LRP2: variants seen among roughly 807,000 people sequenced by gnomAD.
The protein encoded by LRP2 is LDL receptor related protein 2.
LRP2 carries 172 observed loss-of-function variants against 531.0 expected under a neutral mutation model. That is an observed-to-expected ratio of 0.32 (90% CI 0.29 to 0.37). The LOEUF is 0.37. LRP2 is among the 10% of genes least tolerant of loss of function. The pLI is 1.00. For missense variants in LRP2, 5,167 were observed against 5,868.3 expected (o/e 0.88, Z 3.90); for synonymous variants, 1,992 against 2,027.6 (o/e 0.98, Z 0.47).
chr2:169,274,777 G>A (rs1190978572), intron 14 of LRP2, among the ~76,000 whole-genome samples: 1 of 152,074 alleles, frequency 6.6e-6, no homozygotes, highest in Non-Finnish European at 1.5e-5. Context: ...ATCTTTGCAG[G>A]TGCTAATAAA....
intron 36 of LRP2, 101 bp downstream of exon 36, chr2:169,213,556 G>A: frequency 1.1e-6 from 1 of 940,000 alleles, no homozygotes; most frequent in South Asian, 1.3e-5. Context: ...GTATGCACGT[G>A]TATGTACGTG....
At chr2:169,257,094 T>G (rs949282936) in intron 18 of LRP2, 30 bp downstream of exon 18, 3 of 1,611,266 alleles carry the variant, frequency 1.9e-6, no homozygotes, top group Non-Finnish European at 1.7e-6. Flanking sequence ...AAAAGAGAAC[T>G]AAGTATCGGG....
chr2:169,335,523 T>C (rs1474043720), intron 1 of LRP2, among the ~76,000 whole-genome samples: 1 of 152,200 alleles, frequency 6.6e-6, no homozygotes, highest in Non-Finnish European at 1.5e-5. Flanking sequence ...AGTTTTCCAT[T>C]CAAAAAGTTT....
intron 1 of LRP2, among the ~76,000 whole-genome samples, chr2:169,345,212 TTC>T (rs1294262973): frequency 6.6e-6 from 1 of 152,172 alleles, no homozygotes; most frequent in Non-Finnish European, 1.5e-5. Context: ...CAAGAGAGAT[TTC>T]TTGAGTGTGT....
chr2:169,315,013 C>G (rs13409736), intron 3 of LRP2, among the ~76,000 whole-genome samples: 2,065 of 152,260 alleles, frequency 0.014, 48 homozygotes, highest in African/African-American at 0.047. Context: ...TGGCTTTCTT[C>G]TTTACGTCAA....
chr2:169,256,875 G>A (rs539744315), intron 18 of LRP2, among the ~76,000 whole-genome samples: 1 of 152,158 alleles, frequency 6.6e-6, no homozygotes, highest in South Asian at 2.1e-4. Flanking sequence ...TTGTCATTCA[G>A]CTTTCTCTAG....
chr2:169,294,161 G>A lies in LRP2; in HGVS notation c.639C>T (p.Asp213=), dbSNP rs2229266. ...DHDNDCQDGS[D]EHACNYPTCG... is the part of the protein sequence containing the mutation. ...AAATCACCGTACTGCAAGCATGTTC[G>A]TCACTGCCGTCTTGGCAATCATTGT... The change falls in exon 6 of 79, where the codon GAC becomes GAT. Residue 213 remains aspartate (D), a synonymous_variant. Transcript: ENST00000649046. 448,907 of 1,602,868 alleles carry A rather than the reference G, an allele frequency of 0.28. 66,760 individuals are homozygous for A. Among genetic ancestry groups the A allele is most frequent in the Admixed American group, 0.51 (30,808 of 59,948 alleles).
intron 1 of LRP2, among the ~76,000 whole-genome samples, chr2:169,325,011 T>C (rs1231449512): frequency 1.4e-5 from 2 of 139,054 alleles, no homozygotes; most frequent in East Asian, 2.1e-4. Context: ...GAAAGAAAAA[T>C]GGAATCTGGA....
chr2:169,336,039 A>T (rs554491551), intron 1 of LRP2, among the ~76,000 whole-genome samples: 1 of 152,118 alleles, frequency 6.6e-6, no homozygotes, highest in African/African-American at 2.4e-5. Context: ...AACAAGCATT[A>T]AAAGTATTCA....
chr2:169,137,555 C>A, intron 75 of LRP2, 62 bp from the exon 76 acceptor site: 1 of 965,288 alleles, frequency 1.0e-6, no homozygotes. Context: ...GAGATTACAC[C>A]ATACTAATCT....
chr2:169,233,530 C>G lies in LRP2; in HGVS notation c.4979G>C (p.Arg1660Pro). The G allele has an allele frequency of 6.2e-7, 1 of 1,614,068 alleles. No homozygotes were observed. The highest frequency in any genetic ancestry group is 8.5e-7 in the Non-Finnish European group (1 of 1,180,012). Residue 1660 changes from arginine to proline, a missense_variant, in exon 30 of 79, where the codon CGT becomes CCT. By Grantham distance (103) the Arg-to-Pro change is moderately radical. Coordinates refer to ENST00000649046, the MANE Select transcript of LRP2 (RefSeq NM_004525.3). Reference protein sequence around the residue: ...LFEDSVYWTDRATRRVMRANK... With the variant: ...LFEDSVYWTDPATRRVMRANK... The stretch of plus-strand genomic sequence containing the variant: ...GGCTCGCATAACCCGACGAGTAGCA[C>G]GGTCAGTCCAGTACACAGAGTCTTC...
chr2:169,188,568 T>C (rs1188499173), intron 48 of LRP2, among the ~76,000 whole-genome samples: 1 of 152,248 alleles, frequency 6.6e-6, no homozygotes. Context: ...GGTCTATAGC[T>C]ATTAAAAATA....
intron 4 of LRP2, among the ~76,000 whole-genome samples, chr2:169,301,556 G>A (rs993468453): frequency 1.3e-5 from 2 of 151,950 alleles, no homozygotes; most frequent in African/African-American, 2.4e-5. Context: ...TTCTAAAAGG[G>A]TAAAATAACC....
At chr2:169,130,615 A>G (rs907327954) in intron 77 of LRP2, among the ~76,000 whole-genome samples, 16 of 152,180 alleles carry the variant, frequency 1.1e-4, no homozygotes, top group Admixed American at 1.0e-3. Context: ...CTTTCAACAT[A>G]TTTATGGATG....
intron 74 of LRP2, 26 bp from the exon 75 acceptor site, chr2:169,138,732 T>C (rs373684614): frequency 1.3e-5 from 21 of 1,613,454 alleles, no homozygotes; most frequent in Non-Finnish European, 1.8e-5. Flanking sequence ...CAAAACAGTG[T>C]CTTGTTATTT....
rs764385678 is a variant in LRP2 at position 169,241,108 on chromosome 2, G to T, written c.3925C>A (p.Pro1309Thr). The change falls in exon 25 of 79, where the codon CCC becomes ACC. Residue 1309 changes from proline (P) to threonine (T), a missense_variant. By Grantham distance (38) the Pro-to-Thr change is conservative (BLOSUM62 -1). Around this residue, in one of 6 missense-constraint regions of LRP2, gnomAD observed 2,811 missense variants for 3,058.0 expected, o/e 0.92. Transcript: ENST00000649046. ...CATTGCCAACTAGGACAGCGAAAGGGCTGAGTAGGGCAGTCCTTCTCATCA... is the reference window on the plus strand; with the variant it reads ...CATTGCCAACTAGGACAGCGAAAGGTCTGAGTAGGGCAGTCCTTCTCATCA... ...MSDEKDCPTQ[P>T]FRCPSWQWQC... is the part of the protein sequence containing the mutation. 3.9e-5 allele frequency: 63 copies of T among 1,613,782 alleles called. No homozygotes were observed. The highest frequency in any genetic ancestry group is 1.0e-4 in the Admixed American group (6 of 60,002).
chr2:169,273,589 T>G (rs900760713), intron 14 of LRP2, among the ~76,000 whole-genome samples: 2 of 152,144 alleles, frequency 1.3e-5, no homozygotes, highest in Admixed American at 1.3e-4. Context: ...TTGACTAGGA[T>G]TCAAAGCCAG....
intron 15 of LRP2, 109 bp downstream of exon 15, chr2:169,272,818 G>A: frequency 6.9e-7 from 1 of 1,446,056 alleles, no homozygotes; most frequent in East Asian, 2.3e-5. Context: ...CAGTCAAGAA[G>A]TTAGACAGGG....
intron 1 of LRP2, among the ~76,000 whole-genome samples, chr2:169,337,929 A>G (rs1316748874): frequency 6.6e-6 from 1 of 152,122 alleles, no homozygotes; most frequent in Admixed American, 6.5e-5. Flanking sequence ...CAACATAGTG[A>G]GAGCCAGTAT....
Sources: allele counts gnomAD v4.1 joint callset (sites outside exome capture counted in the v4.1 genomes callset), GRCh38; gene constraint gnomAD v4.1.1; regional missense constraint gnomAD v4.1.1; transcripts MANE v1.5; gene names NCBI Gene and HGNC (gene_info 2026-07-23, HGNC 2026-07-21).